Variants in ATOH8 observed in about 807,000 individuals in gnomAD.
The protein encoded by ATOH8 is atonal bHLH transcription factor 8.
Under a neutral mutation model 21.2 loss-of-function variants are expected in ATOH8, and 9 were observed. That is an observed-to-expected ratio of 0.42 (90% CI 0.26 to 0.74). The LOEUF is 0.74. ATOH8 is among the 30% of genes least tolerant of loss of function. The pLI, the probability that ATOH8 is intolerant of heterozygous loss-of-function variation, is 0.24. For synonymous variants in ATOH8, 253 were observed against 224.0 expected (o/e 1.13, Z -1.16); for missense variants, 524 against 470.9 (o/e 1.11, Z -1.04).
chr2:85,760,539 C>T (rs950574520), intron 1 of ATOH8, among the ~76,000 whole-genome samples: 42 of 152,300 alleles, frequency 2.8e-4, no homozygotes, highest in African/African-American at 1.0e-3. Context: ...AGCTAAGCCA[C>T]GAGTTCAAAA....
chr2:85,779,940 A>G (rs1377949086), intron 2 of ATOH8, among the ~76,000 whole-genome samples: 2 of 152,248 alleles, frequency 1.3e-5, no homozygotes, highest in East Asian at 3.9e-4. Flanking sequence ...GGGGTAGGTG[A>G]AGGGACCGTG....
Position 85,754,690 on chromosome 2 carries a change from A to ACCCCCAGCACCGCCAGCG in ATOH8, c.507_524dup (p.Ala170_Pro175dup). ...CGCCCGCGCGCCCCGCGCCGTCAGCACCCCCAGCACCGCCAGCGCCCCCGG... is the reference window on the plus strand; with the variant it reads ...CGCCCGCGCGCCCCGCGCCGTCAGCACCCCCAGCACCGCCAGCGCCCCCAGCACCGCCAGCGCCCCCGG... On this transcript the variant is annotated inframe_insertion, in exon 1 of 3. Coordinates refer to ENST00000306279, the MANE Select transcript of ATOH8 (RefSeq NM_032827.7). 2 of 1,590,244 alleles carry ACCCCCAGCACCGCCAGCG rather than the reference A, an allele frequency of 1.3e-6. No homozygotes were observed. Among genetic ancestry groups the ACCCCCAGCACCGCCAGCG allele is most frequent in the Admixed American group, 1.8e-5 (1 of 56,946 alleles).
chr2:85,771,686 C>T (rs1680184774), intron 2 of ATOH8, among the ~76,000 whole-genome samples: 1 of 152,212 alleles, frequency 6.6e-6, no homozygotes, highest in African/African-American at 2.4e-5. Flanking sequence ...AAGAAACATG[C>T]ATAACATGTG....
At chr2:85,759,056 C>G (rs927814690) in intron 1 of ATOH8, among the ~76,000 whole-genome samples, 4 of 152,228 alleles carry the variant, frequency 2.6e-5, no homozygotes, top group Admixed American at 6.5e-5. Flanking sequence ...TGCCGTGGTC[C>G]TCTCTACGGA....
rs991475029 is a variant in ATOH8 at position 85,766,243 on chromosome 2, T to TA, written c.960+2062dup. Among the ~76,000 whole-genome samples the TA allele has an allele frequency of 1.3e-5, 2 of 152,104 alleles. No individual in the cohort carries two copies. Among genetic ancestry groups the TA allele is most frequent in the African/African-American group, 4.8e-5 (2 of 41,422 alleles). ...AACTTGAGGCTTATCCTATGGGGCT[T>TA]ACTTATGTGGTGAAATTGCCCTGGA... On this transcript the variant is annotated intron_variant, in intron 2 of 2. Coordinates refer to ENST00000306279, the MANE Select transcript of ATOH8 (RefSeq NM_032827.7). This position sits in a 1 kb window ranked among gnomAD's most constrained non-coding sequence, Gnocchi z 4.0.
At chr2:85,780,440 G>T (rs1285317571) in intron 2 of ATOH8, 1 of 152,342 alleles carries the variant, frequency 6.6e-6, no homozygotes, top group Non-Finnish European at 1.5e-5. Context: ...CAGTGAAGGA[G>T]GGGTTTGACC....
At chr2:85,780,395 G>A (rs1680451573) in intron 2 of ATOH8, 1 of 152,284 alleles carries the variant, frequency 6.6e-6, no homozygotes, top group South Asian at 2.1e-4. Flanking sequence ...GCACGGCCTT[G>A]ACTGACTCCG....
At chr2:85,774,968 G>A in intron 2 of ATOH8, 4 of 985,238 alleles carry the variant, frequency 4.1e-6, no homozygotes, top group Non-Finnish European at 3.6e-6. Context: ...TCCTCAGGGT[G>A]TCGTAGCACA....
At chr2:85,764,612 G>A (rs1303156262) in intron 2 of ATOH8, among the ~76,000 whole-genome samples, 2 of 152,206 alleles carry the variant, frequency 1.3e-5, no homozygotes, top group Non-Finnish European at 2.9e-5. Flanking sequence ...TGGCCTGTGG[G>A]TTATCTGAGG....
At chr2:85,760,163 A>T (rs1436396901) in intron 1 of ATOH8, among the ~76,000 whole-genome samples, 1 of 151,936 alleles carries the variant, frequency 6.6e-6, no homozygotes, top group Non-Finnish European at 1.5e-5. Flanking sequence ...GGCATATGGG[A>T]CCTTGCGAAA....
At chr2:85,786,210 T>C (rs150321739) in intron 2 of ATOH8, among the ~76,000 whole-genome samples, 1 of 152,320 alleles carries the variant, frequency 6.6e-6, no homozygotes, top group East Asian at 1.9e-4. Context: ...AGGAATGCAA[T>C]AGGTCTCTGG....
chr2:85,776,222 T>G (rs1239021337), intron 2 of ATOH8, among the ~76,000 whole-genome samples: 1 of 152,210 alleles, frequency 6.6e-6, no homozygotes, highest in Non-Finnish European at 1.5e-5. Flanking sequence ...CGCTGTCCTC[T>G]GTCCTCTGTT....
chr2:85,754,908 G>A lies in ATOH8; in HGVS notation c.719G>A (p.Arg240Gln). 1 of 1,609,236 alleles carries A rather than the reference G, an allele frequency of 6.2e-7. No homozygotes were observed. Among genetic ancestry groups the A allele is most frequent in the Non-Finnish European group, 8.5e-7 (1 of 1,179,694 alleles). ...TRRLLANARE[R>Q]TRVHTISAAF... is the part of the protein sequence containing the mutation. ...AGGCTCCTGGCGAACGCCAGGGAGC[G>A]GACGCGGGTGCACACCATCAGCGCA... Residue 240 changes from arginine to glutamine, a missense_variant, in exon 1 of 3, where the codon CGG becomes CAG. By Grantham distance (43) the Arg-to-Gln change is conservative (BLOSUM62 1). Transcript: ENST00000306279.
intron 1 of ATOH8, among the ~76,000 whole-genome samples, chr2:85,759,737 C>T (rs1393957662): frequency 6.6e-6 from 1 of 151,998 alleles, no homozygotes; most frequent in African/African-American, 2.4e-5. Context: ...ATCCGGTGCT[C>T]ATCTGTGTGT....
chr2:85,778,426 T>C (rs980126139), intron 2 of ATOH8, among the ~76,000 whole-genome samples: 6 of 152,264 alleles, frequency 3.9e-5, no homozygotes, highest in African/African-American at 1.4e-4. Flanking sequence ...TTAGGGACAA[T>C]GGAAGAGGCT....
rs60305447 is a variant in ATOH8 at position 85,755,327 on chromosome 2, G to C, written c.768+370G>C. Among the ~76,000 whole-genome samples the C allele has an allele frequency of 8.0e-3, 1,211 of 152,282 alleles. 15 individuals are homozygous for C. The highest frequency in any genetic ancestry group is 0.027 in the African/African-American group (1,123 of 41,558). On this transcript the variant is annotated intron_variant, in intron 1 of 2. Transcript: ENST00000306279. ...TGTGGGAATCTGTCAGCGGAGGAAG[G>C]GGGGAGCCTTCTCCAGTTGGTGGTG...
At chr2:85,774,933 C>T in intron 2 of ATOH8, 1 of 969,778 alleles carries the variant, frequency 1.0e-6, no homozygotes, top group Non-Finnish European at 1.2e-6. Context: ...CCTGAAAGCC[C>T]TCCCTGACCC....
At chr2:85,776,856 GC>G (rs1208053451) in intron 2 of ATOH8, among the ~76,000 whole-genome samples, 2 of 152,102 alleles carry the variant, frequency 1.3e-5, no homozygotes, top group Non-Finnish European at 1.5e-5. Context: ...CCGTGACCGG[GC>G]ATTGCTGAGA....
At chr2:85,772,106 G>A (rs1489666692) in intron 2 of ATOH8, among the ~76,000 whole-genome samples, 4 of 152,242 alleles carry the variant, frequency 2.6e-5, no homozygotes, top group African/African-American at 4.8e-5. Context: ...TAAGCAGCCC[G>A]GCTGCAGCGC....
Sources: gnomAD v4.1 joint callset for allele counts (sites outside exome capture counted in the v4.1 genomes callset) on GRCh38, gnomAD v4.1.1 for gene constraint, Gnocchi (gnomAD v3.1) non-coding constraint, MANE v1.5 for transcripts, NCBI Gene and HGNC (gene_info 2026-07-23, HGNC 2026-07-21) for gene names.